Variants in HAVCR1 observed in about 807,000 individuals in gnomAD.
HAVCR1 encodes T cell immunoglobin domain and mucin domain protein 1.
HAVCR1 carries 34 observed loss-of-function variants against 32.0 expected under a neutral mutation model. The observed-to-expected ratio is 1.06, with a 90% CI of 0.81 to 1.42. The LOEUF (loss-of-function observed/expected upper bound fraction) is 1.42, where lower values mean the gene tolerates loss of function less well. Ranked by LOEUF, HAVCR1 falls within the 40% of genes most tolerant of loss-of-function variation. The pLI is 0.00. For synonymous variants in HAVCR1, 178 were observed against 170.3 expected, an observed-to-expected ratio of 1.05 and a Z score of -0.35; for missense variants, 420 against 442.3, an observed-to-expected ratio of 0.95 and a Z score of 0.45.
At chr5:157,055,152 C>T (rs374135850) in intron 3 of HAVCR1, 49 bp downstream of exon 3, 20 of 1,030,008 alleles carry the variant, frequency 1.9e-5, no homozygotes, top group South Asian at 3.4e-5. Context: ...AAATTACTAC[C>T]GAACAGAAAA....
intron 7 of HAVCR1, 73 bp downstream of exon 7, chr5:157,037,174 T>C: frequency 1.3e-6 from 1 of 782,412 alleles, no homozygotes; most frequent in Non-Finnish European, 2.3e-6. Context: ...TCATGTGACT[T>C]ATGAAACTAG....
chr5:157,044,518 GGAAA>G (rs1369963926), intron 5 of HAVCR1, among the ~76,000 whole-genome samples: 5 of 123,150 alleles, frequency 4.1e-5, no homozygotes, highest in African/African-American at 1.0e-4. Context: ...GAGGAAGGAA[GGAAA>G]GAAAGAAAGG....
chr5:157,049,220 A>T, intron 4 of HAVCR1, 75 bp from the exon 5 acceptor site: 1 of 946,326 alleles, frequency 1.1e-6, no homozygotes, highest in Non-Finnish European at 1.7e-6. Context: ...AAAGAACAAA[A>T]CTAGAATCAG....
intron 2 of HAVCR1, among the ~76,000 whole-genome samples, chr5:157,056,287 A>AT (rs139106057): frequency 0.16 from 24,348 of 151,980 alleles, 2,002 homozygotes; most frequent in Middle Eastern, 0.31. Flanking sequence ...TAGCTGATAT[A>AT]GCTGGAATTT....
the HAVCR1 span, among the ~76,000 whole-genome samples, chr5:157,065,383 C>T: frequency 1.3e-5 from 2 of 152,114 alleles, no homozygotes; most frequent in Non-Finnish European, 2.9e-5. Flanking sequence ...CAAAGGAATG[C>T]CTGATGCTAA....
chr5:157,049,213 G>T, intron 4 of HAVCR1, 68 bp from the exon 5 acceptor site: 1 of 982,932 alleles, frequency 1.0e-6, no homozygotes, highest in Non-Finnish European at 1.7e-6. Flanking sequence ...GAAAAATAAA[G>T]AACAAAACTA....
At chr5:157,035,256 T>A (rs1190806550) in intron 7 of HAVCR1, among the ~76,000 whole-genome samples, 3 of 152,194 alleles carry the variant, frequency 2.0e-5, no homozygotes, top group South Asian at 2.1e-4. Context: ...TTACCCAATT[T>A]CTAAATAACT....
intron 8 of HAVCR1, among the ~76,000 whole-genome samples, chr5:157,030,794 A>AT (rs1338008591): frequency 3.9e-5 from 6 of 152,230 alleles, no homozygotes; most frequent in African/African-American, 1.2e-4. Context: ...TGCCCCCAAA[A>AT]TATGGAACTT....
chr5:157,044,472 G>A (rs59241787), intron 5 of HAVCR1, among the ~76,000 whole-genome samples: 2,662 of 28,904 alleles, frequency 0.092, 113 homozygotes, highest in African/African-American at 0.15. Context: ...AGAAAGAAAG[G>A]AAGGAAGGAA....
At chr5:157,058,041 C>T in intron 1 of HAVCR1, 86 bp from the exon 2 acceptor site, 3 of 938,864 alleles carry the variant, frequency 3.2e-6, no homozygotes, top group Non-Finnish European at 5.2e-6. Context: ...TGCAACTTAT[C>T]TTTTCACCCA....
the HAVCR1 span, among the ~76,000 whole-genome samples, chr5:157,066,055 T>TAAAAAAAAAAAAAAA: frequency 1.1e-3 from 73 of 66,896 alleles, 1 homozygote; most frequent in African/African-American, 3.4e-3. Context: ...GACTCCGTCT[T>TAAAAAAAAAAAAAAA]AAAAAAAAAA....
At chr5:157,066,278 T>C in the HAVCR1 span, among the ~76,000 whole-genome samples, 1 of 152,124 alleles carries the variant, frequency 6.6e-6, no homozygotes, top group African/African-American at 2.4e-5. Context: ...CAGTACTTTA[T>C]ACTGCAGTAA....
upstream of HAVCR1, among the ~76,000 whole-genome samples, chr5:157,059,397 C>T (rs41297579): frequency 0.15 from 22,622 of 152,158 alleles, 1,914 homozygotes; most frequent in Admixed American, 0.24. Flanking sequence ...ATTTCTTGAC[C>T]GGGCATGGTG....
In HAVCR1 at chr5:157,057,892, A is replaced by T. The variant is rs765149994; in HGVS notation, c.46+6T>A. The T allele has an allele frequency of 1.9e-5, 30 of 1,608,822 alleles. No homozygotes were observed. Among genetic ancestry groups the T allele is most frequent in the Non-Finnish European group, 2.3e-5 (27 of 1,177,048 alleles). ...TTCTTCCCGCCCAGGGCACCTACTC[A>T]CTTACCTGCCAGATGTAGGATGAGG... On this transcript the variant is annotated splice_donor_region_variant and intron_variant, in intron 2 of 8. Coordinates refer to ENST00000523175, the MANE Select transcript of HAVCR1 (RefSeq NM_001173393.3).
At chr5:157,034,986 C>T (rs1406268605) in intron 7 of HAVCR1, among the ~76,000 whole-genome samples, 1 of 152,006 alleles carries the variant, frequency 6.6e-6, no homozygotes, top group Non-Finnish European at 1.5e-5. Flanking sequence ...TCTTTTCCCC[C>T]ACAGAGCTGA....
At chr5:157,053,355 C>T (rs1261907839) in intron 3 of HAVCR1, among the ~76,000 whole-genome samples, 2 of 134,096 alleles carry the variant, frequency 1.5e-5, no homozygotes, top group African/African-American at 5.6e-5. Flanking sequence ...TGCACTCCAG[C>T]CTGAGAAACA....
At chr5:157,054,190 C>CAAAAAAAA (rs900551230) in intron 3 of HAVCR1, among the ~76,000 whole-genome samples, 1 of 42,190 alleles carries the variant, frequency 2.4e-5, no homozygotes, top group Non-Finnish European at 4.8e-5. Context: ...GACTCCATCT[C>CAAAAAAAA]AAAAAAAAAA....
At chr5:157,033,445 G>A (rs1185566747) in intron 7 of HAVCR1, among the ~76,000 whole-genome samples, 1 of 152,022 alleles carries the variant, frequency 6.6e-6, no homozygotes, top group Non-Finnish European at 1.5e-5. Context: ...CACCTGGGGA[G>A]GAGCATATTT....
intron 5 of HAVCR1, among the ~76,000 whole-genome samples, chr5:157,043,478 C>A (rs2113546370): frequency 6.6e-6 from 1 of 152,244 alleles, no homozygotes; most frequent in East Asian, 1.9e-4. Flanking sequence ...ACCAGCCTGG[C>A]CAACATAGTG....
Sources: allele counts gnomAD v4.1 joint callset (sites outside exome capture counted in the v4.1 genomes callset), GRCh38; gene constraint gnomAD v4.1.1; transcripts MANE v1.5; gene names NCBI Gene and HGNC (gene_info 2026-07-23, HGNC 2026-07-21).